COG6: variants seen among roughly 807,000 people sequenced by gnomAD.
COG6 encodes the protein conserved oligomeric Golgi complex subunit 6.
Under a neutral mutation model 88.8 loss-of-function variants are expected in COG6, and 74 were observed. The ratio of observed to expected loss-of-function variants is 0.83; its 90% CI spans 0.69 to 1.01. The LOEUF is 1.01. COG6 is among the 50% of genes least tolerant of loss of function. The pLI is 0.00. For synonymous variants in COG6, 286 were observed against 278.7 expected, an observed-to-expected ratio of 1.03 and a Z score of -0.26; for missense variants, 800 against 797.9, an observed-to-expected ratio of 1.00 and a Z score of -0.03.
intron 1 of COG6, chr13:39,656,356 G>A (rs1313195060): frequency 5.7e-6 from 2 of 349,922 alleles, no homozygotes; most frequent in Non-Finnish European, 1.1e-5. Flanking sequence ...GACAACAATT[G>A]CAATAATTTG....
chr13:39,675,092 A>C (rs1875887401), intron 4 of COG6, among the ~76,000 whole-genome samples: 1 of 152,092 alleles, frequency 6.6e-6, no homozygotes, highest in Non-Finnish European at 1.5e-5. Context: ...TTCACATATT[A>C]TTATTTATTT....
chr13:39,777,697 A>C (rs1189882623), intron 18 of COG6, among the ~76,000 whole-genome samples: 1 of 152,176 alleles, frequency 6.6e-6, no homozygotes, highest in African/African-American at 2.4e-5. Flanking sequence ...GAGTATCTTT[A>C]AGGCCATCTG....
intron 18 of COG6, among the ~76,000 whole-genome samples, chr13:39,770,200 A>G (rs1172690808): frequency 1.3e-5 from 2 of 152,190 alleles, no homozygotes; most frequent in Admixed American, 1.3e-4. Context: ...TCTTACACAT[A>G]TTAGTTAGGT....
chr13:39,782,324 C>T (rs1228885037), intron 18 of COG6, among the ~76,000 whole-genome samples: 1 of 152,204 alleles, frequency 6.6e-6, no homozygotes, highest in Non-Finnish European at 1.5e-5. Flanking sequence ...CATTTCAAGA[C>T]ACTGGACAAC....
At chr13:39,786,555 A>T (rs1425538819) in intron 18 of COG6, among the ~76,000 whole-genome samples, 1 of 152,168 alleles carries the variant, frequency 6.6e-6, no homozygotes, top group Admixed American at 6.5e-5. Flanking sequence ...ATATTGAAAC[A>T]AGGTTTGCAG....
At chr13:39,707,613 A>G (rs535320990) in intron 13 of COG6, among the ~76,000 whole-genome samples, 75 of 152,286 alleles carry the variant, frequency 4.9e-4, no homozygotes, top group Non-Finnish European at 9.0e-4. Context: ...CTGTCTGACT[A>G]CTGTCTCTTG....
intron 13 of COG6, among the ~76,000 whole-genome samples, chr13:39,701,143 G>A (rs1481438158): frequency 6.6e-6 from 1 of 151,768 alleles, no homozygotes. Context: ...AGGCAAGAGG[G>A]GACAGATTCA....
chr13:39,747,004 T>C (rs1382287287), intron 18 of COG6, among the ~76,000 whole-genome samples: 1 of 152,154 alleles, frequency 6.6e-6, no homozygotes, highest in East Asian at 1.9e-4. Context: ...TGGAATAATA[T>C]AGCTTAAAAG....
rs748218392 is a variant in COG6 at position 39,752,510 on chromosome 13, A to G, written c.*1417A>G. ...TATAAATCAAGAGCTTAAATTGTAT[A>G]TAATTTATTTCTACAGAGAAAGAAG... On this transcript the variant is annotated 3_prime_UTR_variant, in exon 19 of 19. Transcript: ENST00000455146. 8.6e-6 allele frequency: 10 copies of G among 1,169,292 alleles called. No individual in the cohort carries two copies. Among genetic ancestry groups the G allele is most frequent in the Non-Finnish European group, 1.0e-5 (9 of 895,534 alleles). 72.4% of individuals were successfully genotyped at this position (1,169,292 alleles called of 1,614,324 possible).
chr13:39,763,586 C>G (rs1342911346), intron 18 of COG6, among the ~76,000 whole-genome samples: 6 of 151,480 alleles, frequency 4.0e-5, no homozygotes, highest in African/African-American at 1.5e-4. Context: ...ATTTAGAGAT[C>G]AATACAGAAA....
At chr13:39,788,014 A>G (rs1027946540) in intron 18 of COG6, among the ~76,000 whole-genome samples, 1 of 152,170 alleles carries the variant, frequency 6.6e-6, no homozygotes, top group Non-Finnish European at 1.5e-5. Context: ...GAAGGCAACT[A>G]TGCTTCCTTG....
chr13:39,679,649 A>G (rs1365865911), intron 6 of COG6, 29 bp downstream of exon 6: 2 of 1,348,380 alleles, frequency 1.5e-6, no homozygotes, highest in Non-Finnish European at 2.1e-6. Context: ...AACTAATTGC[A>G]TTGCTGCTTA....
At chr13:39,718,480 A>G (rs1878657771) in intron 13 of COG6, among the ~76,000 whole-genome samples, 1 of 152,132 alleles carries the variant, frequency 6.6e-6, no homozygotes, top group African/African-American at 2.4e-5. Context: ...TCATGGTGCC[A>G]CCAAATAAGG....
chr13:39,662,066 A>G (rs894062497), intron 3 of COG6, among the ~76,000 whole-genome samples: 8 of 148,818 alleles, frequency 5.4e-5, no homozygotes, highest in Non-Finnish European at 1.2e-4. Flanking sequence ...TAGTATTTTT[A>G]TTTGTGCTAT....
At chr13:39,737,215 G>A (rs943970600) in intron 18 of COG6, among the ~76,000 whole-genome samples, 8 of 152,110 alleles carry the variant, frequency 5.3e-5, no homozygotes, top group African/African-American at 1.9e-4. Context: ...TGGGGGAGTG[G>A]TGATACATGC....
At chr13:39,726,950 G>A (rs1341941431) in intron 17 of COG6, among the ~76,000 whole-genome samples, 1 of 151,742 alleles carries the variant, frequency 6.6e-6, no homozygotes, top group Non-Finnish European at 1.5e-5. Context: ...AACAAAATTT[G>A]TAATTATATA....
chr13:39,751,936 AT>A lies in COG6; in HGVS notation c.*847del, dbSNP rs1242011425. 8.2e-7 allele frequency: 1 copy of A among 1,222,726 alleles called. No homozygotes were observed. 75.7% of individuals were successfully genotyped at this position (1,222,726 alleles called of 1,614,324 possible). A position where few individuals can be genotyped will look rare whatever the true frequency, so the allele number is the denominator to read the frequency against. Reference sequence around the variant, plus strand: ...GGGTCCTAAATCCAACCAACTACACATTTTATCTGGTGTTCAAACCAAAGAA... The same window carrying A: ...GGGTCCTAAATCCAACCAACTACACATTTATCTGGTGTTCAAACCAAAGAA... On this transcript the variant is annotated 3_prime_UTR_variant, in exon 19 of 19. Transcript: ENST00000455146.
Position 39,750,977 on chromosome 13 carries a change from G to C in COG6, c.1858G>C (p.Val620Leu). 2 of 1,613,538 alleles carry C rather than the reference G, an allele frequency of 1.2e-6. No homozygotes were observed. The highest frequency in any genetic ancestry group is 8.5e-7 in the Non-Finnish European group (1 of 1,179,716). ...GATCGTAAAACAATCTACAGAATTA[G>C]TCTGCAGAGCCTATGGTGAAGTGTA... ...EQIVKQSTEL[V>L]CRAYGEVYAA... Residue 620 changes from valine (V) to leucine (L), a missense_variant, in exon 19 of 19, where the codon GTC becomes CTC. Transcript: ENST00000455146.
At chr13:39,760,458 A>C (rs1880976404) in intron 18 of COG6, among the ~76,000 whole-genome samples, 1 of 152,282 alleles carries the variant, frequency 6.6e-6, no homozygotes, top group African/African-American at 2.4e-5. Flanking sequence ...TAAAAAGCCA[A>C]AAAGGTGCTG....
Sources: gnomAD v4.1 joint callset for allele counts (sites outside exome capture counted in the v4.1 genomes callset) on GRCh38, gnomAD v4.1.1 for gene constraint, MANE v1.5 for transcripts, NCBI Gene and HGNC (gene_info 2026-07-23, HGNC 2026-07-21) for gene names.